The following ERMARD variants were observed in gnomAD, a reference collection of about 807,000 sequenced individuals.
ERMARD encodes endoplasmic reticulum membrane-associated RNA degradation protein.
ERMARD carries 71 observed loss-of-function variants against 83.9 expected under a neutral mutation model. The observed-to-expected ratio is 0.85, with a 90% CI of 0.70 to 1.03. The LOEUF (loss-of-function observed/expected upper bound fraction) is 1.03. ERMARD is among the 50% of genes least tolerant of loss of function. The probability of loss-of-function intolerance (pLI) is 0.00; values close to 1 mark genes in which losing one functional copy is unlikely to be tolerated. For missense variants in ERMARD, 838 were observed against 810.9 expected (o/e 1.03, Z -0.41); for synonymous variants, 284 against 298.6 (o/e 0.95, Z 0.50).
Position 169,775,924 on chromosome 6 carries a change from ATT to A in ERMARD, c.1395-13_1395-12del. 6.2e-7 allele frequency: 1 copy of A among 1,613,526 alleles called. No individual in the cohort carries two copies. Among genetic ancestry groups the A allele is most frequent in the Non-Finnish European group, 8.5e-7 (1 of 1,179,838 alleles). On this transcript the variant is annotated splice_polypyrimidine_tract_variant and intron_variant, in intron 14 of 17. Transcript: ENST00000366773. ...CTTTAATTGTCACGTATCTTTAAAT[ATT>A]TTCTGTTTTTCAGATTAGAAGATAA...
At chr6:169,760,573 C>A in intron 7 of ERMARD, 69 bp from the exon 8 acceptor site, 1 of 1,154,844 alleles carries the variant, frequency 8.7e-7, no homozygotes, top group Admixed American at 2.0e-5. Context: ...GCATCACTCC[C>A]CCAGCATGTT....
rs756870045 is a variant in ERMARD at position 169,758,948 on chromosome 6, T to C, written c.508-20T>C. Reference sequence around the variant, plus strand: ...TTCAGTAATTCAGTATAATTAACTATGTAATGATTTGCGGATTAGATGAAT... The same window carrying C: ...TTCAGTAATTCAGTATAATTAACTACGTAATGATTTGCGGATTAGATGAAT... On this transcript the variant is annotated intron_variant, in intron 5 of 17. Transcript: ENST00000366773. 1.6e-5 allele frequency: 25 copies of C among 1,592,130 alleles called. No homozygotes were observed. The highest frequency in any genetic ancestry group is 3.4e-5 in the Admixed American group (2 of 58,764).
Position 169,755,142 on chromosome 6 carries a change from A to G in ERMARD, c.176-141A>G, listed in dbSNP as rs112778713. 3,288 of 937,094 alleles carry G rather than the reference A, an allele frequency of 3.5e-3. 74 individuals are homozygous for G. The African/African-American group carries it at 0.047, about 13-fold the overall frequency. 58.0% of individuals were successfully genotyped at this position (937,094 alleles called of 1,614,324 possible). ...GATTTATTTCCAACAATATAAAAGTATATCATATGTTCAATGGTAAGCTAA... is the reference window on the plus strand; with the variant it reads ...GATTTATTTCCAACAATATAAAAGTGTATCATATGTTCAATGGTAAGCTAA... On this transcript the variant is annotated intron_variant, in intron 2 of 17. Transcript: ENST00000366773.
chr6:169,763,031 C>T (rs1791748540), intron 9 of ERMARD, among the ~76,000 whole-genome samples: 1 of 152,228 alleles, frequency 6.6e-6, no homozygotes, highest in South Asian at 2.1e-4. Context: ...TGTGTACACA[C>T]ACGCGTACAC....
In ERMARD at chr6:169,751,644, G is replaced by A. The variant is rs1439172821; in HGVS notation, c.-14G>A. On this transcript the variant is annotated 5_prime_UTR_variant, in exon 1 of 18. Coordinates refer to ENST00000366773, the MANE Select transcript of ERMARD (RefSeq NM_018341.3). Reference sequence around the variant, plus strand: ...TGCGTCATTCACGCGCGCCGCAGCGGGGCACCGGAAGTTATGGAGGTAGGG... The same window carrying A: ...TGCGTCATTCACGCGCGCCGCAGCGAGGCACCGGAAGTTATGGAGGTAGGG... 3.8e-6 allele frequency: 6 copies of A among 1,566,564 alleles called. No individual in the cohort carries two copies. The highest frequency in any genetic ancestry group is 1.4e-5 in the African/African-American group (1 of 73,726).
In ERMARD at chr6:169,759,961, G is replaced by A; in HGVS notation, c.729G>A (p.Leu243=). 1.2e-6 allele frequency: 2 copies of A among 1,614,120 alleles called. No homozygotes were observed. Among genetic ancestry groups the A allele is most frequent in the Non-Finnish European group, 1.7e-6 (2 of 1,180,000 alleles). ...TATCTCTTACAAACCTCGAGGATTT[G>A]ATTGTTTTTCCTGGTAAGTACTATG... ...SFISLTNLED[L]IVFPDVTYEV... is the part of the protein sequence containing the mutation. The change falls in exon 7 of 18, where the codon TTG becomes TTA. Residue 243 remains leucine, a synonymous_variant. Coordinates refer to ENST00000366773, the MANE Select transcript of ERMARD (RefSeq NM_018341.3).
chr6:169,774,784 G>A (rs1490616416), intron 13 of ERMARD, among the ~76,000 whole-genome samples: 1 of 152,188 alleles, frequency 6.6e-6, no homozygotes, highest in Non-Finnish European at 1.5e-5. Flanking sequence ...GGGCTTCGTG[G>A]GTGTCCCATC....
chr6:169,765,967 C>T (rs1792150850), intron 9 of ERMARD, among the ~76,000 whole-genome samples: 1 of 90,654 alleles, frequency 1.1e-5, no homozygotes, highest in South Asian at 3.5e-4. Context: ...GTCACGCTGT[C>T]TGTCAAATCT....
At chr6:169,756,017 G>A (rs1234160260) in intron 3 of ERMARD, among the ~76,000 whole-genome samples, 1 of 152,192 alleles carries the variant, frequency 6.6e-6, no homozygotes, top group African/African-American at 2.4e-5. Context: ...AGTGCCTTGT[G>A]TGTATCTGTT....
At chr6:169,751,874 G>GC (rs367706426) in intron 1 of ERMARD, 10,655 of 655,740 alleles carry the variant, frequency 0.016, 155 homozygotes, top group South Asian at 0.034. Context: ...GGCCCTGCCG[G>GC]CCTCCCTGGG....
In ERMARD at chr6:169,762,420, A is replaced by G. The variant is rs758022934; in HGVS notation, c.858-9A>G. 6.2e-7 allele frequency: 1 copy of G among 1,610,298 alleles called. No homozygotes were observed. The highest frequency in any genetic ancestry group is 8.5e-7 in the Non-Finnish European group (1 of 1,178,438). On this transcript the variant is annotated splice_polypyrimidine_tract_variant and intron_variant, in intron 8 of 17. Coordinates refer to ENST00000366773, the MANE Select transcript of ERMARD (RefSeq NM_018341.3). ...TGGAGTTTTACCTCTTTTCCCTTCA[A>G]TTTCATAGGTTTGCTGACTGCGCCA...
At chr6:169,760,065 G>A (rs1791341182) in intron 7 of ERMARD, 91 bp downstream of exon 7, 1 of 1,558,514 alleles carries the variant, frequency 6.4e-7, no homozygotes, top group Non-Finnish European at 8.7e-7. Flanking sequence ...TCTTGAGGTG[G>A]GGTGAAGTAG....
chr6:169,760,192 T>C (rs1563015383), intron 7 of ERMARD, among the ~76,000 whole-genome samples: 1 of 152,010 alleles, frequency 6.6e-6, no homozygotes, highest in Non-Finnish European at 1.5e-5. Flanking sequence ...GTCACAGGAG[T>C]TGCAGCTGTG....
At chr6:169,763,014 C>T (rs1291122499) in intron 9 of ERMARD, among the ~76,000 whole-genome samples, 1 of 152,212 alleles carries the variant, frequency 6.6e-6, no homozygotes. Context: ...TCTTGAGCCC[C>T]TCCATGTGTG....
chr6:169,763,745 T>G (rs1791842020), intron 9 of ERMARD, among the ~76,000 whole-genome samples: 1 of 152,260 alleles, frequency 6.6e-6, no homozygotes. Context: ...TTTTCATCTC[T>G]GGGGGAACAA....
chr6:169,757,832 G>A (rs889260080), intron 5 of ERMARD, among the ~76,000 whole-genome samples: 2 of 152,178 alleles, frequency 1.3e-5, no homozygotes, highest in African/African-American at 2.4e-5. Context: ...TGGAGTGCAT[G>A]GAATGAAGAT....
At chr6:169,768,059 G>A in intron 10 of ERMARD, 44 bp from the exon 11 acceptor site, 3 of 1,500,966 alleles carry the variant, frequency 2.0e-6, no homozygotes. Context: ...GTATGTTTAT[G>A]TATGGGGACC....
Position 169,756,320 on chromosome 6 carries a change from G to C in ERMARD, c.316-18G>C. On this transcript the variant is annotated intron_variant, in intron 3 of 17. Coordinates refer to ENST00000366773, the MANE Select transcript of ERMARD (RefSeq NM_018341.3). ...AGTTTCAGAGTGTACATCCTAATATGTGTTTTATTGTAAATAGTTATTTCC... is the reference window on the plus strand; with the variant it reads ...AGTTTCAGAGTGTACATCCTAATATCTGTTTTATTGTAAATAGTTATTTCC... The C allele has an allele frequency of 6.8e-7, 1 of 1,477,064 alleles. No individual in the cohort carries two copies. The highest frequency in any genetic ancestry group is 1.8e-5 in the Admixed American group (1 of 55,770). 91.5% of individuals were successfully genotyped at this position (1,477,064 alleles called of 1,614,324 possible).
rs974534979 is a variant in ERMARD at position 169,769,721 on chromosome 6, A to T, written c.1233+8A>T. On this transcript the variant is annotated splice_region_variant and intron_variant, in intron 12 of 17. Coordinates refer to ENST00000366773, the MANE Select transcript of ERMARD (RefSeq NM_018341.3). ...CTGCTATCAGTTTTTAAGGTAATTT[A>T]TAGGGAAGAAAATCATTAATTAGAT... 4 of 1,582,244 alleles carry T rather than the reference A, an allele frequency of 2.5e-6. No homozygotes were observed. The highest frequency in any genetic ancestry group is 2.7e-5 in the African/African-American group (2 of 73,770).
Sources: gnomAD v4.1 joint callset for allele counts (sites outside exome capture counted in the v4.1 genomes callset) on GRCh38, gnomAD v4.1.1 for gene constraint, MANE v1.5 for transcripts, NCBI Gene and HGNC (gene_info 2026-07-23, HGNC 2026-07-21) for gene names.